Variants in PDZRN4 observed in about 807,000 individuals in gnomAD.
PDZRN4 encodes PDZ domain containing ring finger 4.
In PDZRN4, 70 loss-of-function variants were observed where a neutral mutation model predicts 99.0. The observed-to-expected ratio is 0.71, with a 90% CI of 0.58 to 0.86. The LOEUF (loss-of-function observed/expected upper bound fraction) is 0.86, where lower values mean the gene tolerates loss of function less well. Among genes scored for constraint, PDZRN4 ranks in the 40% least tolerant of loss-of-function variants. The pLI, the probability that PDZRN4 is intolerant of heterozygous loss-of-function variation, is 0.00. For synonymous variants in PDZRN4, 551 were observed against 501.6 expected (o/e 1.10, Z -1.32); for missense variants, 1,474 against 1,331.2 (o/e 1.11, Z -1.67).
At chr12:41,308,183 A>G (rs938728436) in intron 3 of PDZRN4, among the ~76,000 whole-genome samples, 1 of 152,106 alleles carries the variant, frequency 6.6e-6, no homozygotes, top group Non-Finnish European at 1.5e-5. Flanking sequence ...ACCTTTTATT[A>G]AGGTAAAACT....
chr12:41,423,893 A>G (rs1952512623), intron 3 of PDZRN4, among the ~76,000 whole-genome samples: 2 of 152,184 alleles, frequency 1.3e-5, no homozygotes, highest in African/African-American at 4.8e-5. Context: ...GGAAGAAGCT[A>G]TAAACTCCAT....
chr12:41,267,666 T>C (rs931221138), intron 3 of PDZRN4, among the ~76,000 whole-genome samples: 12 of 89,216 alleles, frequency 1.3e-4, no homozygotes, highest in Non-Finnish European at 2.2e-4. Flanking sequence ...CCATCTCTAC[T>C]AAAAATACAA....
At chr12:41,496,246 G>A (rs1043932134) in intron 3 of PDZRN4, among the ~76,000 whole-genome samples, 1 of 152,082 alleles carries the variant, frequency 6.6e-6, no homozygotes, top group Admixed American at 6.6e-5. Flanking sequence ...TCACTGCCAG[G>A]AATGTAACGT....
At position 41,561,974 on chromosome 12, in the gene PDZRN4, A is replaced by G. The variant is rs371575109; in HGVS notation, c.1366-1574A>G. Among the ~76,000 whole-genome samples the G allele has an allele frequency of 2.6e-5, 4 of 152,284 alleles. No individual in the cohort carries two copies. The South Asian group carries it at 8.3e-4, about 32-fold the overall frequency. On this transcript the variant is annotated intron_variant, in intron 7 of 9. Coordinates refer to ENST00000402685, the MANE Select transcript of PDZRN4 (RefSeq NM_001164595.2). ...TGAGAAAAAAGGCCTTGGAGTCAGT[A>G]CACACATACTTTTCCAGAGGTATTT...
chr12:41,368,568 A>G (rs1442095916), intron 3 of PDZRN4, among the ~76,000 whole-genome samples: 1 of 152,054 alleles, frequency 6.6e-6, no homozygotes, highest in African/African-American at 2.4e-5. Context: ...AATAACTCTC[A>G]ATCAAGACAA....
At chr12:41,343,410 T>C (rs1434970847) in intron 3 of PDZRN4, among the ~76,000 whole-genome samples, 1 of 152,072 alleles carries the variant, frequency 6.6e-6, no homozygotes, top group Non-Finnish European at 1.5e-5. Context: ...TTTTGTTTCA[T>C]TTACATTTTG....
intron 3 of PDZRN4, among the ~76,000 whole-genome samples, chr12:41,251,483 C>G (rs1020351283): frequency 2.0e-5 from 3 of 152,026 alleles, no homozygotes; most frequent in African/African-American, 7.2e-5. Context: ...GGTATTTGTT[C>G]TTACTTCAAT....
At chr12:41,412,828 G>A (rs145925444) in intron 3 of PDZRN4, among the ~76,000 whole-genome samples, 5,170 of 152,200 alleles carry the variant, frequency 0.034, 121 homozygotes, top group African/African-American at 0.073. Context: ...GGTGGCTCAT[G>A]CCTGTAATCC....
At chr12:41,511,290 G>A (rs997489601) in intron 5 of PDZRN4, among the ~76,000 whole-genome samples, 1 of 151,926 alleles carries the variant, frequency 6.6e-6, no homozygotes, top group Non-Finnish European at 1.5e-5. Context: ...GCATGTCATT[G>A]AAATATTACA....
intron 3 of PDZRN4, among the ~76,000 whole-genome samples, chr12:41,227,435 T>C (rs1426343290): frequency 6.6e-6 from 1 of 151,802 alleles, no homozygotes; most frequent in Non-Finnish European, 1.5e-5. Flanking sequence ...AAAGCCGAGG[T>C]GGGAGGATCA....
intron 3 of PDZRN4, among the ~76,000 whole-genome samples, chr12:41,326,451 C>T (rs908867652): frequency 2.0e-5 from 3 of 152,168 alleles, no homozygotes; most frequent in Non-Finnish European, 4.4e-5. Context: ...ATTAAAAACA[C>T]ATCTTGATAT....
chr12:41,367,006 GGGA>G (rs1952005389), intron 3 of PDZRN4, among the ~76,000 whole-genome samples: 1 of 151,988 alleles, frequency 6.6e-6, no homozygotes, highest in Non-Finnish European at 1.5e-5. Context: ...TAGACCTACG[GGGA>G]GCTGTTTGAG....
chr12:41,255,323 T>C (rs1376935883), intron 3 of PDZRN4, among the ~76,000 whole-genome samples: 1 of 152,202 alleles, frequency 6.6e-6, no homozygotes, highest in South Asian at 2.1e-4. Context: ...AAGATTAATA[T>C]AGAGTTCGAT....
intron 3 of PDZRN4, among the ~76,000 whole-genome samples, chr12:41,292,246 T>G (rs1951461203): frequency 6.6e-6 from 1 of 152,108 alleles, no homozygotes; most frequent in African/African-American, 2.4e-5. Flanking sequence ...TAGAGAGAGT[T>G]GTTCATTCCC....
chr12:41,372,288 A>C (rs1234182270), intron 3 of PDZRN4, among the ~76,000 whole-genome samples: 1 of 152,184 alleles, frequency 6.6e-6, no homozygotes, highest in Non-Finnish European at 1.5e-5. Context: ...TTTAGCAACT[A>C]TTCAATGTAT....
intron 3 of PDZRN4, among the ~76,000 whole-genome samples, chr12:41,323,238 G>A (rs1262457854): frequency 1.3e-5 from 2 of 152,120 alleles, no homozygotes; most frequent in African/African-American, 4.8e-5. Flanking sequence ...CTTCTATGGA[G>A]AGGACATGCC....
At chr12:41,439,689 G>T (rs1952660939) in intron 3 of PDZRN4, among the ~76,000 whole-genome samples, 1 of 152,054 alleles carries the variant, frequency 6.6e-6, no homozygotes, top group Non-Finnish European at 1.5e-5. Context: ...GATAAGCCAT[G>T]CTCTTTATTG....
intron 5 of PDZRN4, among the ~76,000 whole-genome samples, chr12:41,547,272 A>G (rs1938970634): frequency 6.6e-6 from 1 of 152,160 alleles, no homozygotes; most frequent in Non-Finnish European, 1.5e-5. Flanking sequence ...CATTCTAGGA[A>G]AGGTTTCCAT....
chr12:41,392,062 T>C (rs1952214334), intron 3 of PDZRN4, among the ~76,000 whole-genome samples: 1 of 152,164 alleles, frequency 6.6e-6, no homozygotes, highest in African/African-American at 2.4e-5. Flanking sequence ...CTTAACAAAA[T>C]TAGGTCACAT....
Sources: allele counts gnomAD v4.1 joint callset (sites outside exome capture counted in the v4.1 genomes callset), GRCh38; gene constraint gnomAD v4.1.1; transcripts MANE v1.5; gene names NCBI Gene and HGNC (gene_info 2026-07-23, HGNC 2026-07-21).